Variants in SHROOM4 observed in about 807,000 individuals in gnomAD.
The protein encoded by SHROOM4 is shroom family member 4, also known as protein Shroom4.
Under a neutral mutation model 80.3 loss-of-function variants are expected in SHROOM4, and 17 were observed. The observed-to-expected ratio is 0.21, with a 90% confidence interval of 0.14 to 0.32. The LOEUF (loss-of-function observed/expected upper bound fraction) is 0.32, where lower values mean the gene tolerates loss of function less well. Ranked by LOEUF, SHROOM4 falls within the 10% of genes least tolerant of loss-of-function variation. The probability of loss-of-function intolerance (pLI) is 1.00; values close to 1 mark genes in which losing one functional copy is unlikely to be tolerated. For missense variants in SHROOM4, 993 were observed against 1,140.3 expected (o/e 0.87, Z 1.86); for synonymous variants, 400 against 437.5 (o/e 0.91, Z 1.07).
At chrX:50,683,293 G>A (rs1224581199) in intron 2 of SHROOM4, among the ~76,000 whole-genome samples, 1 of 111,895 alleles carries the variant, frequency 8.9e-6, no homozygotes, top group Non-Finnish European at 1.9e-5. Flanking sequence ...CTTGTGTGGA[G>A]ATGGCAGAGA....
intron 1 of SHROOM4, among the ~76,000 whole-genome samples, chrX:50,807,706 C>T (rs190385135): frequency 2.7e-5 from 3 of 111,360 alleles, no homozygotes; most frequent in East Asian, 5.7e-4. Flanking sequence ...ATCTCCCCTA[C>T]GATGCATTTA....
chrX:50,630,103 G>A (rs1358450349), intron 4 of SHROOM4, among the ~76,000 whole-genome samples: 3 of 111,041 alleles, frequency 2.7e-5, no homozygotes, highest in Non-Finnish European at 5.7e-5. Context: ...TAGAGGCATG[G>A]TGTAGGCACA....
chrX:50,615,098 TTG>T (rs58621277), intron 5 of SHROOM4, among the ~76,000 whole-genome samples: 4,414 of 98,404 alleles, frequency 0.045, 114 homozygotes, highest in African/African-American at 0.097. Flanking sequence ...GATTCTCTTA[TTG>T]TGTGTGTGTG....
At chrX:50,772,815 T>C (rs1557269825) in intron 1 of SHROOM4, among the ~76,000 whole-genome samples, 1 of 111,898 alleles carries the variant, frequency 8.9e-6, no homozygotes, top group Non-Finnish European at 1.9e-5. Flanking sequence ...ACCTATCATA[T>C]GCTAGGAACT....
rs60153784 is a variant in SHROOM4 at position 50,794,902 on chromosome X, G to GTATA, written c.117+18996_117+18999dup. ...TATGTATGAATATGTGTATAAATGT[G>GTATA]TATATATATATATATATATGTGTAT... On this transcript the variant is annotated intron_variant, in intron 1 of 8. Coordinates refer to ENST00000376020, the MANE Select transcript of SHROOM4 (RefSeq NM_020717.5). Among the ~76,000 whole-genome samples the GTATA allele has an allele frequency of 3.9e-3, 357 of 92,631 alleles. 3 individuals carry two copies. Among genetic ancestry groups the GTATA allele is most frequent in the African/African-American group, 0.014 (339 of 24,817 alleles). The allele number at this position is 92,631 out of a possible 115,157, so 80.4% of individuals were successfully genotyped here.
At chrX:50,789,341 GA>G (rs782112418) in intron 1 of SHROOM4, among the ~76,000 whole-genome samples, 2 of 109,601 alleles carry the variant, frequency 1.8e-5, no homozygotes, top group Non-Finnish European at 3.8e-5. Context: ...ATCAATATCA[GA>G]AAAAAAACTG....
rs371962788 is a variant in SHROOM4 at position 50,771,534 on chromosome X, C to T, written c.117+42368G>A. On this transcript the variant is annotated intron_variant, in intron 1 of 8. Transcript: ENST00000376020. ...TCATGGAAATCTGGGAGAAATTAAG[C>T]CTTCTGCCTTCTTCTAGCCCATAAG... is the stretch of plus-strand genomic sequence containing the variant. Among the ~76,000 whole-genome samples, 4 of 111,894 alleles carry T rather than the reference C, an allele frequency of 3.6e-5. No individual in the cohort carries two copies. The East Asian group carries it at 1.1e-3, about 32-fold the overall frequency.
intron 2 of SHROOM4, among the ~76,000 whole-genome samples, chrX:50,693,608 G>A (rs1358734894): frequency 1.9e-5 from 2 of 103,151 alleles, no homozygotes; most frequent in Non-Finnish European, 3.9e-5. Context: ...TTATTAACAC[G>A]TAACAGTTAT....
intron 1 of SHROOM4, among the ~76,000 whole-genome samples, chrX:50,734,023 T>C (rs1557266494): frequency 8.9e-6 from 1 of 112,117 alleles, no homozygotes; most frequent in Non-Finnish European, 1.9e-5. Context: ...CTATTTCCAA[T>C]ACCATAAAAA....
intron 1 of SHROOM4, among the ~76,000 whole-genome samples, chrX:50,772,301 T>C (rs1463668648): frequency 9.1e-6 from 1 of 110,318 alleles, no homozygotes; most frequent in Admixed American, 9.6e-5. Context: ...CTATGTACCT[T>C]GGTTTTAAGT....
At chrX:50,629,600 C>T (rs1557253728) in intron 4 of SHROOM4, among the ~76,000 whole-genome samples, 1 of 112,028 alleles carries the variant, frequency 8.9e-6, no homozygotes. Context: ...CTGGCTCTGC[C>T]ACTTGCTAGA....
rs1887584581 is a variant in SHROOM4 at position 50,814,191 on chromosome X, T to C, written c.-173A>G. 1 of 435,264 alleles carries C rather than the reference T, an allele frequency of 2.3e-6. No homozygotes were observed. The highest frequency in any genetic ancestry group is 4.1e-6 in the Non-Finnish European group (1 of 245,757). The allele number at this position is 435,264 out of a possible 1,213,427, so 35.9% of individuals were successfully genotyped here. A position where few individuals can be genotyped will look rare whatever the true frequency, so the allele number is the denominator to read the frequency against. ...GCAGCGAGCGAGCGCAAGGAGGAAA[T>C]GACACGGAGCTGGAGAAAGGGGGAG... is the stretch of plus-strand genomic sequence containing the variant. On this transcript the variant is annotated 5_prime_UTR_variant, in exon 1 of 9. Transcript: ENST00000376020.
intron 1 of SHROOM4, among the ~76,000 whole-genome samples, chrX:50,799,008 C>T (rs1211063686): frequency 8.9e-6 from 1 of 112,087 alleles, no homozygotes; most frequent in African/African-American, 3.2e-5. Flanking sequence ...GCCTGGCCTC[C>T]AAATGACCAT....
intron 5 of SHROOM4, among the ~76,000 whole-genome samples, chrX:50,618,310 T>C (rs1395416665): frequency 0.01 from 5 of 481 alleles, no homozygotes; most frequent in African/African-American, 0.021. Flanking sequence ...CTTCCTTCCT[T>C]CCTTCCTTCC....
At chrX:50,626,579 T>C (rs1371764229) in intron 5 of SHROOM4, among the ~76,000 whole-genome samples, 1 of 111,592 alleles carries the variant, frequency 9.0e-6, no homozygotes, top group Non-Finnish European at 1.9e-5. Flanking sequence ...TTGCAGGTTT[T>C]GAGCTCCACT....
intron 1 of SHROOM4, among the ~76,000 whole-genome samples, chrX:50,777,535 T>C (rs1935537050): frequency 1.8e-5 from 2 of 112,019 alleles, no homozygotes; most frequent in South Asian, 7.4e-4. Flanking sequence ...TATTATGCAG[T>C]AATTTAAAAT....
At chrX:50,762,872 T>C (rs1362594921) in intron 1 of SHROOM4, among the ~76,000 whole-genome samples, 1 of 111,958 alleles carries the variant, frequency 8.9e-6, no homozygotes, top group Non-Finnish European at 1.9e-5. Context: ...TATACTTAGG[T>C]GTATATCTTT....
In SHROOM4 at chrX:50,593,967, G is replaced by A. The variant is rs1000754347; in HGVS notation, c.*2728C>T. The A allele has an allele frequency of 4.5e-5, 5 of 112,187 alleles. No homozygotes were observed. Among genetic ancestry groups the A allele is most frequent in the African/African-American group, 1.6e-4 (5 of 30,773 alleles). The allele number at this position is 112,187 out of a possible 1,213,427, so 9.2% of individuals were successfully genotyped here. Reference sequence around the variant, plus strand: ...AAGATTCAATTATCCAGAGCCCTGGGAGGTGGCAGGAGGGGTTGGGGGGAC... The same window carrying A: ...AAGATTCAATTATCCAGAGCCCTGGAAGGTGGCAGGAGGGGTTGGGGGGAC... On this transcript the variant is annotated 3_prime_UTR_variant, in exon 9 of 9. Transcript: ENST00000376020.
chrX:50,717,206 G>A (rs1168260088), intron 1 of SHROOM4, among the ~76,000 whole-genome samples: 1 of 111,602 alleles, frequency 9.0e-6, no homozygotes, highest in Non-Finnish European at 1.9e-5. Context: ...ACCACCAGTT[G>A]TAAAGCCATG....
Sources: gnomAD v4.1 joint callset for allele counts (sites outside exome capture counted in the v4.1 genomes callset) on GRCh38, gnomAD v4.1.1 for gene constraint, MANE v1.5 for transcripts, NCBI Gene and HGNC (gene_info 2026-07-23, HGNC 2026-07-21) for gene names.